Variants in JRK observed in about 807,000 individuals in gnomAD.
JRK encodes jerky protein homolog.
For missense variants in JRK, 720 were observed against 509.2 expected (o/e 1.41, Z -3.98); for synonymous variants, 303 against 218.1 (o/e 1.39, Z -3.43).
Position 142,662,491 on chromosome 8 carries a change from CAATG to C in JRK, c.*1857_*1860del. On this transcript the variant is annotated 3_prime_UTR_variant, in exon 2 of 2. Coordinates refer to ENST00000612905, the MANE Select transcript of JRK (RefSeq NM_003724.4). ...ACATGATGTGCAGAAGTTCCCCAGA[CAATG>C]AAGCAAACAGTGCGGGTGACACCAC... 1 of 985,418 alleles carries C rather than the reference CAATG, an allele frequency of 1.0e-6. No homozygotes were observed. Among genetic ancestry groups the C allele is most frequent in the Non-Finnish European group, 1.2e-6 (1 of 829,946 alleles). The allele number at this position is 985,418 out of a possible 1,614,324, so 61.0% of individuals were successfully genotyped here.
In JRK at chr8:142,663,278, G is replaced by C; in HGVS notation, c.*1074C>G. Reference sequence around the variant, plus strand: ...GTGTTGCCCGTGAAATGGAGATGCCGCAAAGCAACTACAGACATGGAGAAA... The same window carrying C: ...GTGTTGCCCGTGAAATGGAGATGCCCCAAAGCAACTACAGACATGGAGAAA... On this transcript the variant is annotated 3_prime_UTR_variant, in exon 2 of 2. Transcript: ENST00000612905. 1.0e-6 allele frequency: 1 copy of C among 985,420 alleles called. No individual in the cohort carries two copies. Among genetic ancestry groups the C allele is most frequent in the Non-Finnish European group, 1.2e-6 (1 of 829,924 alleles). 61.0% of individuals were successfully genotyped at this position (985,420 alleles called of 1,614,324 possible).
chr8:142,650,008 C>A, the JRK span, among the ~76,000 whole-genome samples: 1 of 152,398 alleles, frequency 6.6e-6, no homozygotes, highest in South Asian at 2.1e-4. Context: ...AGGGGCGGAG[C>A]TGCCCAAGAC....
At chr8:142,646,886 T>C in the JRK span, among the ~76,000 whole-genome samples, 9 of 152,312 alleles carry the variant, frequency 5.9e-5, no homozygotes, top group South Asian at 1.9e-3. Flanking sequence ...CCTCCTTTTT[T>C]TCCTTTATCT....
chr8:142,661,574 G>A lies in JRK; in HGVS notation c.*2778C>T. ...GAAAACTGAGGCTGCAACTTGCAGG[G>A]GCACTGTGAGAAGACAGGGAGTGGC... On this transcript the variant is annotated 3_prime_UTR_variant, in exon 2 of 2. Coordinates refer to ENST00000612905, the MANE Select transcript of JRK (RefSeq NM_003724.4). 1 of 985,522 alleles carries A rather than the reference G, an allele frequency of 1.0e-6. No homozygotes were observed. Among genetic ancestry groups the A allele is most frequent in the South Asian group, 4.7e-5 (1 of 21,292 alleles). 61.0% of individuals were successfully genotyped at this position (985,522 alleles called of 1,614,324 possible). A position where few individuals can be genotyped will look rare whatever the true frequency, so the allele number is the denominator to read the frequency against.
chr8:142,662,374 C>T lies in JRK; in HGVS notation c.*1978G>A, dbSNP rs587716623. 1.0e-5 allele frequency: 10 copies of T among 985,474 alleles called. No individual in the cohort carries two copies. The highest frequency in any genetic ancestry group is 5.2e-4 in the Middle Eastern group (1 of 1,914). The allele number at this position is 985,474 out of a possible 1,614,324, so 61.0% of individuals were successfully genotyped here. A position where few individuals can be genotyped will look rare whatever the true frequency, so the allele number is the denominator to read the frequency against. On this transcript the variant is annotated 3_prime_UTR_variant, in exon 2 of 2. Transcript: ENST00000612905. ...TCAGAGCCCTCGGGACATGTTCTAA[C>T]CTCCTGTGTTGCCTCAAGCAGCTGC... is the stretch of plus-strand genomic sequence containing the variant.
chr8:142,647,279 G>GA, the JRK span, among the ~76,000 whole-genome samples: 1 of 151,608 alleles, frequency 6.6e-6, no homozygotes, highest in Non-Finnish European at 1.5e-5. Flanking sequence ...TTTTCTTAAT[G>GA]AAAAAAAATT....
At chr8:142,669,504 G>A (rs190988544) in intron 1 of JRK, among the ~76,000 whole-genome samples, 10 of 152,100 alleles carry the variant, frequency 6.6e-5, no homozygotes, top group Non-Finnish European at 1.3e-4. Flanking sequence ...ATTCAGTCTG[G>A]GACAAGAACA....
Position 142,659,005 on chromosome 8 carries a change from T to A in JRK, c.*5347A>T, listed in dbSNP as rs781808203. 3 of 1,545,454 alleles carry A rather than the reference T, an allele frequency of 1.9e-6. No individual in the cohort carries two copies. The highest frequency in any genetic ancestry group is 2.5e-5 in the South Asian group (2 of 81,438). ...CGTCAGTATGTCCACACCATAGGGG[T>A]GTAGTCACTTCCCTCTGCCAGGGAG... On this transcript the variant is annotated 3_prime_UTR_variant, in exon 2 of 2. Coordinates refer to ENST00000612905, the MANE Select transcript of JRK (RefSeq NM_003724.4).
Position 142,666,026 on chromosome 8 carries a change from T to G in JRK, c.33A>C (p.Arg11Ser). The change falls in exon 2 of 2, where the codon AGA becomes AGC. Residue 11 changes from arginine (R) to serine (S), a missense_variant. Transcript: ENST00000612905. Reference protein sequence around the residue: MASKPAAGKSRGEKRKRVVLT... With the variant: MASKPAAGKSSGEKRKRVVLT... ...GCACCACCCTCTTCCGCTTCTCCCC[T>G]CTGCTCTTCCCGGCAGCCGGCTTGG... is the stretch of plus-strand genomic sequence containing the variant. 1.9e-6 allele frequency: 3 copies of G among 1,549,778 alleles called. No homozygotes were observed. Among genetic ancestry groups the G allele is most frequent in the Non-Finnish European group, 2.7e-6 (3 of 1,122,524 alleles).
chr8:142,667,456 C>A (rs1554636420), intron 1 of JRK, among the ~76,000 whole-genome samples: 1 of 151,854 alleles, frequency 6.6e-6, no homozygotes, highest in Non-Finnish European at 1.5e-5. Context: ...CACACACACA[C>A]ACACACACAC....
Position 142,658,794 on chromosome 8 carries a change from G to A in JRK, c.*5558C>T. On this transcript the variant is annotated 3_prime_UTR_variant, in exon 2 of 2. Transcript: ENST00000612905. ...ACCTACCAACACCCATAACCTCAAG[G>A]GCACTGGTGGGGACAGAGGGGTCTT... 2 of 1,571,374 alleles carry A rather than the reference G, an allele frequency of 1.3e-6. No homozygotes were observed. The highest frequency in any genetic ancestry group is 2.3e-5 in the East Asian group (1 of 42,804).
chr8:142,668,141 C>T (rs1847189857), intron 1 of JRK, among the ~76,000 whole-genome samples: 1 of 152,254 alleles, frequency 6.6e-6, no homozygotes, highest in Admixed American at 6.5e-5. Flanking sequence ...CTGGAGTTCC[C>T]ACCTCCCTCC....
chr8:142,647,442 AC>A, the JRK span, among the ~76,000 whole-genome samples: 2 of 152,204 alleles, frequency 1.3e-5, no homozygotes, highest in Non-Finnish European at 2.9e-5. Context: ...TATGGGAGGA[AC>A]CTGGTGGGAG....
chr8:142,660,105 C>A lies in JRK; in HGVS notation c.*4247G>T, dbSNP rs1285816044. ...CAGCCAGGCCTGGGGTCTACAAGAGCTGGGCAGGGAAGAGGACAAACAAGG... is the reference window on the plus strand; with the variant it reads ...CAGCCAGGCCTGGGGTCTACAAGAGATGGGCAGGGAAGAGGACAAACAAGG... On this transcript the variant is annotated 3_prime_UTR_variant, in exon 2 of 2. Transcript: ENST00000612905. 4 of 985,500 alleles carry A rather than the reference C, an allele frequency of 4.1e-6. No homozygotes were observed. The highest frequency in any genetic ancestry group is 4.8e-6 in the Non-Finnish European group (4 of 830,062). 61.0% of individuals were successfully genotyped at this position (985,500 alleles called of 1,614,324 possible).
chr8:142,647,821 C>T, the JRK span, among the ~76,000 whole-genome samples: 1 of 152,180 alleles, frequency 6.6e-6, no homozygotes, highest in Non-Finnish European at 1.5e-5. Flanking sequence ...GGGGTTGGAA[C>T]AGTTTGGAGG....
rs587693073 is a variant in JRK, at chr8:142,660,796, C to T, written c.*3556G>A. The T allele has an allele frequency of 1.1e-5, 11 of 985,462 alleles. No individual in the cohort carries two copies. The African/African-American group carries it at 1.7e-4, about 16-fold the overall frequency. The allele number at this position is 985,462 out of a possible 1,614,324, so 61.0% of individuals were successfully genotyped here. A position where few individuals can be genotyped will look rare whatever the true frequency, so the allele number is the denominator to read the frequency against. ...TGTCCCAAGTTGTCGCTGCCCTGTG[C>T]CACAGCCTCCCAAGAATGGATGCAG... On this transcript the variant is annotated 3_prime_UTR_variant, in exon 2 of 2. Transcript: ENST00000612905.
At position 142,660,939 on chromosome 8, in the gene JRK, C is replaced by A; in HGVS notation, c.*3413G>T. 1 of 985,496 alleles carries A rather than the reference C, an allele frequency of 1.0e-6. No individual in the cohort carries two copies. The highest frequency in any genetic ancestry group is 1.2e-6 in the Non-Finnish European group (1 of 829,978). 61.0% of individuals were successfully genotyped at this position (985,496 alleles called of 1,614,324 possible). The stretch of plus-strand genomic sequence containing the variant: ...ACTGGGGACAACTGATGACAGTCCT[C>A]CAACCCCAGCGAGCTGGGGAAGCCG... On this transcript the variant is annotated 3_prime_UTR_variant, in exon 2 of 2. Transcript: ENST00000612905.
chr8:142,659,795 T>C lies in JRK; in HGVS notation c.*4557A>G, dbSNP rs1846859188. The C allele has an allele frequency of 2.0e-6, 2 of 985,432 alleles. No individual in the cohort carries two copies. Among genetic ancestry groups the C allele is most frequent in the African/African-American group, 3.5e-5 (2 of 57,232 alleles). The allele number at this position is 985,432 out of a possible 1,614,324, so 61.0% of individuals were successfully genotyped here. A position where few individuals can be genotyped will look rare whatever the true frequency, so the allele number is the denominator to read the frequency against. On this transcript the variant is annotated 3_prime_UTR_variant, in exon 2 of 2. Transcript: ENST00000612905. ...GCAGTGGAGAACGTGAGGCTGGTCA[T>C]TAGGAGCAGGTAGCCCTGGGTCTCC...
At chr8:142,651,714 A>T in the JRK span, among the ~76,000 whole-genome samples, 1 of 152,224 alleles carries the variant, frequency 6.6e-6, no homozygotes, top group Admixed American at 6.5e-5. Flanking sequence ...GAGCAAAGCA[A>T]AACAAACAAT....
Sources: gnomAD v4.1 joint callset for allele counts (sites outside exome capture counted in the v4.1 genomes callset) on GRCh38, gnomAD v4.1.1 for gene constraint, MANE v1.5 for transcripts, NCBI Gene and HGNC (gene_info 2026-07-23, HGNC 2026-07-21) for gene names.